RAB40C: variants seen among roughly 807,000 people sequenced by gnomAD.
RAB40C encodes RAB40C, member RAS oncogene family, also known as ras-related protein Rab-40C.
RAB40C carries 8 observed loss-of-function variants against 28.1 expected under a neutral mutation model. The observed-to-expected ratio is 0.28, with a 90% CI of 0.17 to 0.51. The LOEUF is 0.51. Ranked by LOEUF, RAB40C falls within the 20% of genes least tolerant of loss-of-function variation. RAB40C has a pLI of 0.97. For synonymous variants in RAB40C, 201 were observed against 171.7 expected, an observed-to-expected ratio of 1.17 and a Z score of -1.34; for missense variants, 288 against 405.9, an observed-to-expected ratio of 0.71 and a Z score of 2.50.
chr16:615,234 G>C (rs1287959789), intron 1 of RAB40C, among the ~76,000 whole-genome samples: 1 of 152,184 alleles, frequency 6.6e-6, no homozygotes, highest in Non-Finnish European at 1.5e-5. Flanking sequence ...AACAGCCTTT[G>C]ATGTACATGT....
At chr16:592,704 G>C (rs1404978467) in intron 1 of RAB40C, among the ~76,000 whole-genome samples, 1 of 152,268 alleles carries the variant, frequency 6.6e-6, no homozygotes, top group African/African-American at 2.4e-5. Flanking sequence ...TGCATGTTCA[G>C]AAGAGCACGG....
intron 1 of RAB40C, 126 bp downstream of exon 1, chr16:590,559 C>T (rs956431661): frequency 1.8e-4 from 225 of 1,234,770 alleles, no homozygotes; most frequent in Middle Eastern, 2.9e-4. Flanking sequence ...CTTTGCCTGG[C>T]TTCCAGACTC....
chr16:620,439 C>T (rs1472311456), intron 3 of RAB40C, among the ~76,000 whole-genome samples: 2 of 152,212 alleles, frequency 1.3e-5, no homozygotes, highest in East Asian at 1.9e-4. Context: ...ACAAAAATGC[C>T]TTCTTGTCTT....
intron 1 of RAB40C, among the ~76,000 whole-genome samples, chr16:604,757 CAT>C (rs1336604186): frequency 6.6e-6 from 1 of 152,074 alleles, no homozygotes; most frequent in East Asian, 1.9e-4. Context: ...TTGCTATAAA[CAT>C]ATTGAAAAAT....
At chr16:617,524 T>A (rs1639155100) in intron 2 of RAB40C, among the ~76,000 whole-genome samples, 1 of 152,076 alleles carries the variant, frequency 6.6e-6, no homozygotes, top group South Asian at 2.1e-4. Flanking sequence ...GCCCCTTCCC[T>A]CCCCTTCTGT....
chr16:601,125 T>C (rs2036240551), intron 1 of RAB40C, among the ~76,000 whole-genome samples: 1 of 152,244 alleles, frequency 6.6e-6, no homozygotes, highest in African/African-American at 2.4e-5. Flanking sequence ...GGCCTGCTGC[T>C]TGTGTTTGGA....
chr16:613,089 G>T (rs2036515401), intron 1 of RAB40C, among the ~76,000 whole-genome samples: 1 of 108,088 alleles, frequency 9.3e-6, no homozygotes, highest in African/African-American at 3.7e-5. Context: ...CAGCCGCCCT[G>T]GCCTGTAGAA....
chr16:596,415 C>T (rs1432226921), intron 1 of RAB40C: 4 of 448,918 alleles, frequency 8.9e-6, no homozygotes, highest in East Asian at 7.0e-5. Context: ...GAAGGGGTTG[C>T]ATCACAGCTG....
At chr16:626,344 C>T (rs1352958122) in intron 5 of RAB40C, among the ~76,000 whole-genome samples, 1 of 152,182 alleles carries the variant, frequency 6.6e-6, no homozygotes, top group African/African-American at 2.4e-5. Context: ...GACCCCCCCT[C>T]AGGGTGCCGC....
chr16:626,636 C>T (rs2036842319), intron 5 of RAB40C, among the ~76,000 whole-genome samples: 1 of 152,144 alleles, frequency 6.6e-6, no homozygotes, highest in Non-Finnish European at 1.5e-5. Flanking sequence ...GTGTCACTGT[C>T]CTTCTTAAGA....
In RAB40C at chr16:590,422, C is replaced by A; in HGVS notation, c.131C>A (p.Ala44Asp). The A allele has an allele frequency of 6.3e-7, 1 of 1,587,234 alleles. No homozygotes were observed. Among genetic ancestry groups the A allele is most frequent in the Non-Finnish European group, 8.5e-7 (1 of 1,170,174 alleles). Residue 44 changes from alanine to aspartate, a missense_variant, in exon 1 of 6, where the codon GCC (alanine) becomes GAC (aspartate). Ala to Asp is a moderately radical substitution (Grantham distance 126, BLOSUM62 -2). Around this residue, in one of 3 missense-constraint regions of RAB40C, gnomAD observed 78 missense variants for 88.2 expected, o/e 0.88. Coordinates refer to ENST00000248139, the MANE Select transcript of RAB40C (RefSeq NM_021168.5). ...GACGGCGCGGCAGAGTCCCCGTACG[C>A]CTACAGTAACGGTAAGGCCCGGCCC... ...LQDGAAESPY[A>D]YSNGIDYKTT... is the part of the protein sequence containing the mutation.
intron 1 of RAB40C, among the ~76,000 whole-genome samples, chr16:599,023 A>G (rs2036192836): frequency 6.6e-6 from 1 of 152,232 alleles, no homozygotes; most frequent in Admixed American, 6.5e-5. Context: ...ACCTGGGCAC[A>G]GCAGGTACAG....
chr16:615,442 T>G (rs2036567770), intron 1 of RAB40C, among the ~76,000 whole-genome samples: 1 of 152,174 alleles, frequency 6.6e-6, no homozygotes, highest in East Asian at 1.9e-4. Context: ...AAGTGCCCGT[T>G]TCCAAGCCCC....
chr16:622,601 G>A (rs574551245), intron 3 of RAB40C, among the ~76,000 whole-genome samples: 5 of 152,252 alleles, frequency 3.3e-5, no homozygotes, highest in Admixed American at 6.5e-5. Flanking sequence ...TCCGCCTCCC[G>A]GGTTCACGCC....
At chr16:598,024 A>G (rs556983231) in intron 1 of RAB40C, among the ~76,000 whole-genome samples, 45 of 151,746 alleles carry the variant, frequency 3.0e-4, no homozygotes, top group African/African-American at 1.0e-3. Context: ...AGGTGGGTGA[A>G]TCACGAGGTC....
In RAB40C at chr16:624,018, G is replaced by A. The variant is rs1180634210; in HGVS notation, c.265-1414G>A. 5.1e-6 allele frequency: 5 copies of A among 985,314 alleles called. No homozygotes were observed. In the African/African-American group the frequency reaches 5.2e-5, roughly 10 times the overall value. The allele number at this position is 985,314 out of a possible 1,614,324, so 61.0% of individuals were successfully genotyped here. On this transcript the variant is annotated intron_variant, in intron 3 of 5. Transcript: ENST00000248139. ...TTGCACATCTCTCCTTGGCCAGCAT[G>A]CACGCTTTTACATGCACTGCTGCTG...
At chr16:589,824 G>A (rs573678983), upstream of RAB40C, 1 of 152,452 alleles carries the variant, frequency 6.6e-6, no homozygotes, top group Admixed American at 6.5e-5. Context: ...AAAGGCGGGG[G>A]AGGGGCGGTC....
chr16:609,550 C>G (rs2036437882), intron 1 of RAB40C, among the ~76,000 whole-genome samples: 1 of 151,832 alleles, frequency 6.6e-6, no homozygotes, highest in African/African-American at 2.4e-5. Context: ...TTGAGGGTCA[C>G]CAGAATGTGA....
chr16:603,635 C>G (rs1350808049), intron 1 of RAB40C, among the ~76,000 whole-genome samples: 1 of 152,182 alleles, frequency 6.6e-6, no homozygotes, highest in Non-Finnish European at 1.5e-5. Flanking sequence ...GAGATGATGT[C>G]TATTTAATAA....
Sources: gnomAD v4.1 joint callset for allele counts (sites outside exome capture counted in the v4.1 genomes callset) on GRCh38, gnomAD v4.1.1 for gene constraint, gnomAD v4.1.1 regional missense constraint, MANE v1.5 for transcripts, NCBI Gene and HGNC (gene_info 2026-07-23, HGNC 2026-07-21) for gene names.